The following BCKDHB variants were observed in gnomAD, a reference collection of about 807,000 sequenced individuals.
BCKDHB encodes branched chain keto acid dehydrogenase E1 subunit beta, also known as 2-oxoisovalerate dehydrogenase subunit beta, mitochondrial.
Under a neutral mutation model 48.5 loss-of-function variants are expected in BCKDHB, and 41 were observed. The ratio of observed to expected loss-of-function variants is 0.85; its 90% CI spans 0.66 to 1.10. The LOEUF is 1.10. BCKDHB is among the 50% of genes least tolerant of loss of function. The pLI is 0.00. For synonymous variants in BCKDHB, 201 were observed against 174.8 expected, an observed-to-expected ratio of 1.15 and a Z score of -1.18; for missense variants, 496 against 494.2, an observed-to-expected ratio of 1.00 and a Z score of -0.03.
At chr6:80,140,213 A>G (rs914421607) in intron 3 of BCKDHB, among the ~76,000 whole-genome samples, 11 of 152,288 alleles carry the variant, frequency 7.2e-5, no homozygotes, top group South Asian at 2.1e-4. Flanking sequence ...GGCTGAGACA[A>G]TGGGGTTTCT....
chr6:80,396,297 A>T, the BCKDHB span, among the ~76,000 whole-genome samples: 1 of 152,216 alleles, frequency 6.6e-6, no homozygotes, highest in Non-Finnish European at 1.5e-5. Flanking sequence ...AGGGCTGGCC[A>T]CTTTCTCCCA....
chr6:80,338,387 GC>G (rs982740620), intron 9 of BCKDHB, among the ~76,000 whole-genome samples: 1 of 152,132 alleles, frequency 6.6e-6, no homozygotes, highest in Non-Finnish European at 1.5e-5. Flanking sequence ...GGGATTTCCA[GC>G]CCCCGACCCC....
chr6:80,292,608 C>A (rs1766988777), intron 9 of BCKDHB, among the ~76,000 whole-genome samples: 1 of 152,044 alleles, frequency 6.6e-6, no homozygotes, highest in Non-Finnish European at 1.5e-5. Context: ...CCACCCCAGC[C>A]CCTCCCAAAT....
intron 1 of BCKDHB, among the ~76,000 whole-genome samples, chr6:80,114,903 TAAAG>T (rs553568618): frequency 3.5e-4 from 54 of 152,306 alleles, no homozygotes; most frequent in African/African-American, 1.3e-3. Flanking sequence ...GGAACTAGCT[TAAAG>T]GAAGGGAAGC....
chr6:80,385,533 C>G, the BCKDHB span, among the ~76,000 whole-genome samples: 1 of 152,182 alleles, frequency 6.6e-6, no homozygotes, highest in Admixed American at 6.5e-5. Flanking sequence ...ACATCCCCTC[C>G]CCAGCCCATG....
intron 3 of BCKDHB, among the ~76,000 whole-genome samples, chr6:80,166,421 C>G (rs146113727): frequency 6.6e-6 from 1 of 151,994 alleles, no homozygotes; most frequent in African/African-American, 2.4e-5. Context: ...CGTGGGAGGT[C>G]GAGGCGGGTG....
chr6:80,356,962 C>CG, the BCKDHB span: 1 of 101,144 alleles, frequency 9.9e-6, no homozygotes, highest in Non-Finnish European at 2.1e-5. Context: ...GCCCCCCCCC[C>CG]ACACACACGA....
intron 6 of BCKDHB, among the ~76,000 whole-genome samples, chr6:80,180,038 T>G (rs1249984667): frequency 6.6e-6 from 1 of 152,178 alleles, no homozygotes; most frequent in Non-Finnish European, 1.5e-5. Context: ...TAAACTGCTC[T>G]CTGTGCAAAC....
chr6:80,362,801 A>G, the BCKDHB span, among the ~76,000 whole-genome samples: 1 of 152,188 alleles, frequency 6.6e-6, no homozygotes, highest in Non-Finnish European at 1.5e-5. Context: ...AAGTGGCCCT[A>G]TAACTTTCAA....
chr6:80,376,426 A>G, the BCKDHB span, among the ~76,000 whole-genome samples: 2 of 152,208 alleles, frequency 1.3e-5, no homozygotes, highest in African/African-American at 4.8e-5. Context: ...AACTTGGCCC[A>G]GGCTACATAC....
chr6:80,305,380 C>T (rs1767810880), intron 9 of BCKDHB, among the ~76,000 whole-genome samples: 1 of 150,176 alleles, frequency 6.7e-6, no homozygotes, highest in African/African-American at 2.4e-5. Context: ...AGAGTCAGTC[C>T]AATTTCTAAG....
chr6:80,298,123 T>G (rs1313563048), intron 9 of BCKDHB, among the ~76,000 whole-genome samples: 1 of 152,176 alleles, frequency 6.6e-6, no homozygotes, highest in African/African-American at 2.4e-5. Flanking sequence ...TTCTTTCTTT[T>G]TTTTTCCTAG....
At chr6:80,130,842 TTCTGTAACTGAG>T in intron 3 of BCKDHB, among the ~76,000 whole-genome samples, 1 of 152,362 alleles carries the variant, frequency 6.6e-6, no homozygotes, top group Non-Finnish European at 1.5e-5. Context: ...AGAATTATAC[TTCTGTAACTGAG>T]TCTTCTCTGT....
chr6:80,243,984 G>C (rs1034789706), intron 8 of BCKDHB, among the ~76,000 whole-genome samples: 2 of 152,108 alleles, frequency 1.3e-5, no homozygotes, highest in Non-Finnish European at 2.9e-5. Context: ...TTTTATTTCA[G>C]TAAACTGAAA....
intron 8 of BCKDHB, among the ~76,000 whole-genome samples, chr6:80,222,772 C>T (rs1390174030): frequency 6.6e-6 from 1 of 152,090 alleles, no homozygotes; most frequent in African/African-American, 2.4e-5. Flanking sequence ...GGCTAAGAAT[C>T]GTGAAGTAGG....
intron 8 of BCKDHB, among the ~76,000 whole-genome samples, chr6:80,270,522 AT>A (rs1325581983): frequency 2.0e-5 from 3 of 151,976 alleles, no homozygotes; most frequent in Non-Finnish European, 4.4e-5. Flanking sequence ...TCAAAGTGTG[AT>A]TACTTTTATT....
At chr6:80,306,720 C>A (rs1420835065) in intron 9 of BCKDHB, among the ~76,000 whole-genome samples, 1 of 152,186 alleles carries the variant, frequency 6.6e-6, no homozygotes, top group African/African-American at 2.4e-5. Flanking sequence ...CATACTGTCA[C>A]ATGGAGATAT....
At chr6:80,204,341 G>T (rs893780687) in intron 8 of BCKDHB, among the ~76,000 whole-genome samples, 1 of 152,088 alleles carries the variant, frequency 6.6e-6, no homozygotes, top group Non-Finnish European at 1.5e-5. Context: ...AAATGATCCC[G>T]AGCCATTCTA....
At chr6:80,214,654 A>C (rs1379478372) in intron 8 of BCKDHB, among the ~76,000 whole-genome samples, 1 of 152,200 alleles carries the variant, frequency 6.6e-6, no homozygotes, top group Non-Finnish European at 1.5e-5. Context: ...TAATACCACT[A>C]GGTTTCCACA....
Sources: gnomAD v4.1 joint callset for allele counts (sites outside exome capture counted in the v4.1 genomes callset) on GRCh38, gnomAD v4.1.1 for gene constraint, MANE v1.5 for transcripts, NCBI Gene and HGNC (gene_info 2026-07-23, HGNC 2026-07-21) for gene names.